DOT1L: variants seen among roughly 807,000 people sequenced by gnomAD.
DOT1L encodes the protein histone-lysine N-methyltransferase, H3 lysine-79 specific.
A neutral mutation model predicts 153.3 loss-of-function variants in DOT1L; 33 were observed. The observed-to-expected ratio is 0.22, with a 90% CI of 0.16 to 0.29. The LOEUF is 0.29. Among genes scored for constraint, DOT1L ranks in the 10% least tolerant of loss-of-function variants. The pLI is 1.00. For synonymous variants in DOT1L, 1,135 were observed against 965.1 expected (o/e 1.18, Z -3.26); for missense variants, 1,847 against 2,119.9 (o/e 0.87, Z 2.53).
At chr19:2,212,189 G>A (rs551301298) in intron 16 of DOT1L, 60 of 199,388 alleles carry the variant, frequency 3.0e-4, no homozygotes, top group Non-Finnish European at 5.5e-4. Context: ...CCCAGTTGTC[G>A]CCTATTGGTT....
Position 2,226,704 on chromosome 19 carries a change from C to T in DOT1L, c.4183C>T (p.Pro1395Ser), listed in dbSNP as rs1426420412. ...CAAGGAGGCAGGGGAGGGCGGCCTA[C>T]CGCTGTGCGGGCCCACGGACAAGAC... ...RGKEAGEGGL[P>S]LCGPTDKTPL... is the part of the protein sequence containing the mutation. The change falls in exon 27 of 28, where the codon CCG (proline) becomes TCG (serine). Residue 1395 changes from proline to serine, a missense_variant. Coordinates refer to ENST00000398665, the MANE Select transcript of DOT1L (RefSeq NM_032482.3). 6.4e-7 allele frequency: 1 copy of T among 1,570,372 alleles called. No homozygotes were observed. The highest frequency in any genetic ancestry group is 8.6e-7 in the Non-Finnish European group (1 of 1,162,536).
At chr19:2,181,390 C>T (rs753565669) in intron 2 of DOT1L, among the ~76,000 whole-genome samples, 2 of 152,156 alleles carry the variant, frequency 1.3e-5, no homozygotes, top group Admixed American at 6.5e-5. Flanking sequence ...GTGAGGACAC[C>T]GCCCGTGCCC....
At chr19:2,225,220 GCCA>G (rs1438207038) in intron 25 of DOT1L, among the ~76,000 whole-genome samples, 165 bp from the exon 26 acceptor site, 1 of 152,122 alleles carries the variant, frequency 6.6e-6, no homozygotes, top group Non-Finnish European at 1.5e-5. Context: ...CCAGGGCCCA[GCCA>G]CCCAGTCCAG....
chr19:2,220,391 C>T lies in DOT1L; in HGVS notation c.2806+169C>T, dbSNP rs1036549800. On this transcript the variant is annotated intron_variant, in intron 23 of 27. Transcript: ENST00000398665. The surrounding 1 kb of genome is among the most constrained non-coding windows in gnomAD (Gnocchi z 4.5). Reference sequence around the variant, plus strand: ...GACACCCTTTCCTGCATCCCACGAGCTGGGATGCGGATCGGGCTCAGCTGC... The same window carrying T: ...GACACCCTTTCCTGCATCCCACGAGTTGGGATGCGGATCGGGCTCAGCTGC... 1 of 735,020 alleles carries T rather than the reference C, an allele frequency of 1.4e-6. No homozygotes were observed. The highest frequency in any genetic ancestry group is 2.4e-6 in the Non-Finnish European group (1 of 418,194). 45.5% of individuals were successfully genotyped at this position (735,020 alleles called of 1,614,324 possible).
chr19:2,225,040 C>G (rs1370806385), intron 25 of DOT1L, among the ~76,000 whole-genome samples: 2 of 152,150 alleles, frequency 1.3e-5, no homozygotes, highest in Non-Finnish European at 2.9e-5. Flanking sequence ...TGAGAGGGGC[C>G]GGGAGAGGGA....
At chr19:2,177,614 C>T (rs571485591) in intron 1 of DOT1L, among the ~76,000 whole-genome samples, 4 of 152,280 alleles carry the variant, frequency 2.6e-5, no homozygotes, top group African/African-American at 9.6e-5. Flanking sequence ...CTGCGCCCAG[C>T]TCGTGTTGAA....
Position 2,164,154 on chromosome 19 carries a change from C to T in DOT1L, c.-31C>T, listed in dbSNP as rs1207766937. 12 of 1,204,220 alleles carry T rather than the reference C, an allele frequency of 1.0e-5. No individual in the cohort carries two copies. In the Admixed American group the frequency reaches 4.4e-4, roughly 44 times the overall value. 74.6% of individuals were successfully genotyped at this position (1,204,220 alleles called of 1,614,324 possible). A position where few individuals can be genotyped will look rare whatever the true frequency, so the allele number is the denominator to read the frequency against. On this transcript the variant is annotated 5_prime_UTR_variant, in exon 1 of 28. Coordinates refer to ENST00000398665, the MANE Select transcript of DOT1L (RefSeq NM_032482.3). The stretch of plus-strand genomic sequence containing the variant: ...CCCCGCCCCTCCCCCAACCGCCCGC[C>T]TAGCATGGTGCGGCGGCCGCGCGCG...
Position 2,212,132 on chromosome 19 carries a change from C to G in DOT1L, c.1557+290C>G, listed in dbSNP as rs188387475. 3.0e-5 allele frequency: 10 copies of G among 337,744 alleles called. No individual in the cohort carries two copies. In the East Asian group the frequency reaches 6.7e-4, roughly 23 times the overall value. The allele number at this position is 337,744 out of a possible 1,614,324, so 20.9% of individuals were successfully genotyped here. A position where few individuals can be genotyped will look rare whatever the true frequency, so the allele number is the denominator to read the frequency against. On this transcript the variant is annotated intron_variant, in intron 16 of 27. Coordinates refer to ENST00000398665, the MANE Select transcript of DOT1L (RefSeq NM_032482.3). ...GCAACCTTCCCCCTAGTGCACAGGT[C>G]CCTCCCCCGGTTCCTCAAAGGCTGA...
rs1400104618 is a variant in DOT1L, at chr19:2,210,490, G to T, written c.1096G>T (p.Gly366Cys). Reference protein sequence around the residue: ...PTKGPEGKVAGPADAPMDSGA... With the variant: ...PTKGPEGKVACPADAPMDSGA... ...TAAGGGCCCAGAGGGCAAGGTGGCC[G>T]GCCCCGCCGACGCCCCCATGGTAAG... Residue 366 changes from glycine (G) to cysteine (C), a missense_variant, in exon 13 of 28, where the codon GGC becomes TGC. By Grantham distance (159) the Gly-to-Cys change is radical. Transcript: ENST00000398665. The T allele has an allele frequency of 5.0e-6, 8 of 1,593,958 alleles. No individual in the cohort carries two copies. Among genetic ancestry groups the T allele is most frequent in the Non-Finnish European group, 6.8e-6 (8 of 1,171,916 alleles).
chr19:2,185,828 C>A, intron 2 of DOT1L, 27 bp from the exon 3 acceptor site: 1 of 1,612,234 alleles, frequency 6.2e-7, no homozygotes, highest in Non-Finnish European at 8.5e-7. Flanking sequence ...CAAACCCTTC[C>A]TGATCGTTTC....
rs375314788 is a variant in DOT1L at position 2,188,480 on chromosome 19, G to GCCCCCCCCCCCCCC, written c.201-1251_201-1238dup. Among the ~76,000 whole-genome samples, 28 of 67,000 alleles carry GCCCCCCCCCCCCCC rather than the reference G, an allele frequency of 4.2e-4. 5 individuals are homozygous for GCCCCCCCCCCCCCC. The highest frequency in any genetic ancestry group is 4.6e-4 in the Non-Finnish European group (16 of 35,026). 44.0% of individuals were successfully genotyped at this position (67,000 alleles called of 152,430 possible). ...GCGGAGGAAAGAGTCCCCAGCCGCC[G>GCCCCCCCCCCCCCC]CCCCCCCCCCCCCCACCCGCACAGG... is the stretch of plus-strand genomic sequence containing the variant. On this transcript the variant is annotated intron_variant, in intron 3 of 27. Coordinates refer to ENST00000398665, the MANE Select transcript of DOT1L (RefSeq NM_032482.3).
intron 2 of DOT1L, among the ~76,000 whole-genome samples, chr19:2,183,591 G>A (rs1349938822): frequency 6.6e-6 from 1 of 151,250 alleles, no homozygotes; most frequent in Non-Finnish European, 1.5e-5. Flanking sequence ...GGAAAGGGGC[G>A]TTTAAACAGT....
rs756980145 is a variant in DOT1L, at chr19:2,216,653, C to T, written c.2296C>T (p.Leu766=). The T allele has an allele frequency of 2.5e-6, 4 of 1,604,954 alleles. No individual in the cohort carries two copies. The highest frequency in any genetic ancestry group is 4.5e-5 in the East Asian group (2 of 44,876). ...GRPRLEKLSG[L]AAPDYTRLSP... ...GCCGCGCCTGGAGAAGCTGTCTGGC[C>T]TAGCCGCACCCGACTACACTAGGCT... Residue 766 remains leucine, a synonymous_variant, in exon 20 of 28, where the codon CTA becomes TTA. Transcript: ENST00000398665.
chr19:2,205,160 A>G (rs1381264979), intron 9 of DOT1L, among the ~76,000 whole-genome samples: 1 of 151,960 alleles, frequency 6.6e-6, no homozygotes, highest in African/African-American at 2.4e-5. Context: ...TTTAGTAGAG[A>G]CAGGGTTTCA....
chr19:2,227,103 G>A lies in DOT1L; in HGVS notation c.4582G>A (p.Gly1528Arg). ...TNSHAMGSFS[G>R]VAGGTVGGN is the part of the protein sequence containing the mutation. ...CTCGCACGCCATGGGCAGCTTTTCC[G>A]GGGTGGCAGGCGGCACAGTTGGAGG... The change falls in exon 27 of 28, where the codon GGG (glycine) becomes AGG (arginine). Residue 1528 changes from glycine (G) to arginine (R), a missense_variant. By Grantham distance (125) the Gly-to-Arg change is moderately radical. Around this residue, in one of 8 missense-constraint regions of DOT1L, gnomAD observed 934 missense variants for 825.3 expected, o/e 1.13. Transcript: ENST00000398665. 6.4e-7 allele frequency: 1 copy of A among 1,554,314 alleles called. No individual in the cohort carries two copies. Among genetic ancestry groups the A allele is most frequent in the South Asian group, 1.2e-5 (1 of 85,856 alleles).
At chr19:2,227,992 C>G in intron 27 of DOT1L, 1 of 1,284,778 alleles carries the variant, frequency 7.8e-7, no homozygotes, top group Non-Finnish European at 1.0e-6. Context: ...CTCCACGCCC[C>G]CCCTCCACCT....
rs1250919521 is a variant in DOT1L at position 2,231,146 on chromosome 19, AGTG to A, written c.*1359_*1361del. The A allele has an allele frequency of 4.4e-6, 1 of 228,270 alleles. No individual in the cohort carries two copies. Among genetic ancestry groups the A allele is most frequent in the African/African-American group, 2.2e-5 (1 of 44,988 alleles). 14.1% of individuals were successfully genotyped at this position (228,270 alleles called of 1,614,324 possible). A position where few individuals can be genotyped will look rare whatever the true frequency, so the allele number is the denominator to read the frequency against. On this transcript the variant is annotated 3_prime_UTR_variant, in exon 28 of 28. Transcript: ENST00000398665. Reference sequence around the variant, plus strand: ...CAGTCAGGGCCTGGGTTGTCTGAGCAGTGGTGGCTCTGTGCCCTCCCTGGAGGA... The same window carrying A: ...CAGTCAGGGCCTGGGTTGTCTGAGCAGTGGCTCTGTGCCCTCCCTGGAGGA...
Position 2,208,862 on chromosome 19 carries a change from A to C in DOT1L, c.964-73A>C. ...AGCCACTGTCCAGGTTGCTGTTGTTACCTGGGTGTCCAGACAAATCCGAAC... is the reference window on the plus strand; with the variant it reads ...AGCCACTGTCCAGGTTGCTGTTGTTCCCTGGGTGTCCAGACAAATCCGAAC... On this transcript the variant is annotated intron_variant, in intron 11 of 27. Coordinates refer to ENST00000398665, the MANE Select transcript of DOT1L (RefSeq NM_032482.3). This position sits in a 1 kb window ranked among gnomAD's most constrained non-coding sequence, Gnocchi z 4.4. 6.6e-7 allele frequency: 1 copy of C among 1,516,964 alleles called. No homozygotes were observed. The highest frequency in any genetic ancestry group is 1.2e-5 in the South Asian group (1 of 84,988). 94.0% of individuals were successfully genotyped at this position (1,516,964 alleles called of 1,614,324 possible). A position where few individuals can be genotyped will look rare whatever the true frequency, so the allele number is the denominator to read the frequency against.
chr19:2,191,304 C>CA lies in DOT1L; in HGVS notation c.493+65dup. 1 of 1,513,942 alleles carries CA rather than the reference C, an allele frequency of 6.6e-7. No homozygotes were observed. The highest frequency in any genetic ancestry group is 9.1e-7 in the Non-Finnish European group (1 of 1,093,890). The allele number at this position is 1,513,942 out of a possible 1,614,324, so 93.8% of individuals were successfully genotyped here. A position where few individuals can be genotyped will look rare whatever the true frequency, so the allele number is the denominator to read the frequency against. On this transcript the variant is annotated intron_variant, in intron 5 of 27. Coordinates refer to ENST00000398665, the MANE Select transcript of DOT1L (RefSeq NM_032482.3). The surrounding 1 kb of genome is among the most constrained non-coding windows in gnomAD (Gnocchi z 6.8). The stretch of plus-strand genomic sequence containing the variant: ...CAGGCCACACGCTCTGTGCCTGCCC[C>CA]ATGCCTGCTTGGAGAAGAGTTTATC...
Sources: allele counts gnomAD v4.1 joint callset (sites outside exome capture counted in the v4.1 genomes callset), GRCh38; gene constraint gnomAD v4.1.1; regional missense constraint gnomAD v4.1.1; non-coding constraint Gnocchi (gnomAD v3.1); transcripts MANE v1.5; gene names NCBI Gene and HGNC (gene_info 2026-07-23, HGNC 2026-07-21).